The following RMC1 variants were observed in gnomAD, a reference collection of about 807,000 sequenced individuals.
RMC1 encodes regulator of MON1-CCZ1.
In RMC1, 44 loss-of-function variants were observed where a neutral mutation model predicts 95.5. The observed-to-expected ratio is 0.46, with a 90% CI of 0.36 to 0.59. The LOEUF is 0.59. RMC1 is among the 20% of genes least tolerant of loss of function. The pLI is 0.00. For synonymous variants in RMC1, 320 were observed against 303.6 expected (o/e 1.05, Z -0.56); for missense variants, 705 against 819.6 (o/e 0.86, Z 1.71).
Position 23,520,300 on chromosome 18 carries a change from G to T in RMC1, c.948G>T (p.Gln316His). The change falls in exon 10 of 20, where the codon CAG becomes CAT. Residue 316 changes from glutamine to histidine, a missense_variant. By Grantham distance (24) the Gln-to-His change is conservative. Coordinates refer to ENST00000269221, the MANE Select transcript of RMC1 (RefSeq NM_013326.5). Reference sequence around the variant, plus strand: ...CCGCTCGATCGATCCAGCCCTATCAGATCCCCATCACAGGTAACACGGGTT... The same window carrying T: ...CCGCTCGATCGATCCAGCCCTATCATATCCCCATCACAGGTAACACGGGTT... ...VLPARSIQPY[Q>H]IPITGPAAVT... The T allele has an allele frequency of 6.2e-7, 1 of 1,613,692 alleles. No homozygotes were observed.
In RMC1 at chr18:23,529,986, A is replaced by G; in HGVS notation, c.1495-42A>G. ...GGAGCCTCTAGTCTGTTGTAGCTGA[A>G]TGATTTGGAAGTGTTCTTTCACTTT... On this transcript the variant is annotated intron_variant, in intron 16 of 19. Transcript: ENST00000269221. 3.3e-6 allele frequency: 5 copies of G among 1,534,110 alleles called. No individual in the cohort carries two copies. The South Asian group carries it at 5.6e-5, about 17-fold the overall frequency.
intron 10 of RMC1, 21 bp downstream of exon 10, chr18:23,520,334 G>A (rs1387787822): frequency 6.3e-7 from 1 of 1,576,428 alleles, no homozygotes; most frequent in African/African-American, 1.4e-5. Flanking sequence ...TTCTGTAGAG[G>A]AGTCTGTGCT....
chr18:23,530,256 T>G lies in RMC1; in HGVS notation c.1627T>G (p.Phe543Val), dbSNP rs756666235. Residue 543 changes from phenylalanine (F) to valine (V), a missense_variant, in exon 18 of 20, where the codon TTC becomes GTC. Phe to Val is a conservative substitution (Grantham distance 50). Transcript: ENST00000269221. ...LACLLLSLES[F>V]YPPAHQLSLD... is the part of the protein sequence containing the mutation. ...TTGTCTGCTGTTATCCCTAGAGAGT[T>G]TCTATCCTCCTGCTCATCAGCTATC... is the stretch of plus-strand genomic sequence containing the variant. 6.2e-7 allele frequency: 1 copy of G among 1,614,240 alleles called. No individual in the cohort carries two copies. The highest frequency in any genetic ancestry group is 8.5e-7 in the Non-Finnish European group (1 of 1,180,044).
At chr18:23,526,463 T>TGCTCCTGAATG (rs1188109875) in intron 12 of RMC1, among the ~76,000 whole-genome samples, 174 bp from the exon 13 acceptor site, 4 of 152,078 alleles carry the variant, frequency 2.6e-5, no homozygotes, top group Non-Finnish European at 4.4e-5. Flanking sequence ...GCTCCTGAAT[T>TGCTCCTGAATG]GCTCCTGAAT....
Position 23,515,971 on chromosome 18 carries a change from A to G in RMC1, c.524A>G (p.Asn175Ser). Residue 175 changes from asparagine to serine, a missense_variant, in exon 6 of 20, where the codon AAT (asparagine) becomes AGT (serine). Physicochemically the swap from Asn to Ser is conservative, Grantham distance 46. Transcript: ENST00000269221. ...TTGCTGTCTACCACGGTCCTGGAGA[A>G]TGTCCTGCAGCCTTTTCACTTTAGG... Reference protein sequence around the residue: ...VILLSTTVLENVLQPFHFRAG... With the variant: ...VILLSTTVLESVLQPFHFRAG... 1 of 1,614,112 alleles carries G rather than the reference A, an allele frequency of 6.2e-7. No individual in the cohort carries two copies. The highest frequency in any genetic ancestry group is 8.5e-7 in the Non-Finnish European group (1 of 1,180,010).
rs2058004268 is a variant in RMC1 at position 23,516,353 on chromosome 18, A to G, written c.583A>G (p.Ile195Val). Residue 195 changes from isoleucine to valine, a missense_variant, in exon 7 of 20, where the codon ATT becomes GTT. Ile to Val is a conservative substitution (Grantham distance 29). Transcript: ENST00000269221. Reference sequence around the variant, plus strand: ...TATGTCGAAGCTGCCCAAATTTGAGATTGAATTACCAGCTGCGCCTAAGTC... The same window carrying G: ...TATGTCGAAGCTGCCCAAATTTGAGGTTGAATTACCAGCTGCGCCTAAGTC... ...GTMSKLPKFEIELPAAPKSTK... is the reference protein window; with the variant it reads ...GTMSKLPKFEVELPAAPKSTK... 1 of 1,614,204 alleles carries G rather than the reference A, an allele frequency of 6.2e-7. No individual in the cohort carries two copies. The highest frequency in any genetic ancestry group is 8.5e-7 in the Non-Finnish European group (1 of 1,180,048).
intron 2 of RMC1, among the ~76,000 whole-genome samples, chr18:23,505,896 G>A (rs151190336): frequency 1.3e-3 from 202 of 152,274 alleles, no homozygotes; most frequent in South Asian, 4.4e-3. Flanking sequence ...ACTGGGCGCG[G>A]TGGCTCATGC....
Position 23,528,201 on chromosome 18 carries a change from A to C in RMC1, c.1296+300A>C, listed in dbSNP as rs1349012071. The C allele has an allele frequency of 1.7e-5, 4 of 232,374 alleles. No homozygotes were observed. In the Admixed American group the frequency reaches 2.0e-4, roughly 12 times the overall value. 14.4% of individuals were successfully genotyped at this position (232,374 alleles called of 1,614,324 possible). A position where few individuals can be genotyped will look rare whatever the true frequency, so the allele number is the denominator to read the frequency against. On this transcript the variant is annotated intron_variant, in intron 14 of 19. Coordinates refer to ENST00000269221, the MANE Select transcript of RMC1 (RefSeq NM_013326.5). The stretch of plus-strand genomic sequence containing the variant: ...TCTACTGTTATAGATGAGAAAAATC[A>C]GTCTCTGCTTTGCAATATTTTGTAT...
chr18:23,516,523 A>G lies in RMC1; in HGVS notation c.653+100A>G, dbSNP rs2058009801. ...AGCACCACGTGATGCCCTGACCCCT[A>G]GAACACATAAGGAGGACTCCCCTTG... is the stretch of plus-strand genomic sequence containing the variant. On this transcript the variant is annotated intron_variant, in intron 7 of 19. Transcript: ENST00000269221. The G allele has an allele frequency of 2.5e-6, 3 of 1,189,916 alleles. No homozygotes were observed. The South Asian group carries it at 3.8e-5, about 15-fold the overall frequency. 73.7% of individuals were successfully genotyped at this position (1,189,916 alleles called of 1,614,324 possible). A position where few individuals can be genotyped will look rare whatever the true frequency, so the allele number is the denominator to read the frequency against.
Position 23,516,314 on chromosome 18 carries a change from A to C in RMC1, c.550-6A>C. On this transcript the variant is annotated splice_region_variant and splice_polypyrimidine_tract_variant and intron_variant, in intron 6 of 19. Coordinates refer to ENST00000269221, the MANE Select transcript of RMC1 (RefSeq NM_013326.5). Reference sequence around the variant, plus strand: ...GCTTTTCCTAAAACATTTTCCCCCTAAACAGGCTGGCACTATGTCGAAGCT... The same window carrying C: ...GCTTTTCCTAAAACATTTTCCCCCTCAACAGGCTGGCACTATGTCGAAGCT... 1.2e-6 allele frequency: 2 copies of C among 1,614,110 alleles called. No homozygotes were observed. The highest frequency in any genetic ancestry group is 1.7e-6 in the Non-Finnish European group (2 of 1,179,906).
At chr18:23,509,395 A>T in intron 5 of RMC1, 116 bp downstream of exon 5, 1 of 347,968 alleles carries the variant, frequency 2.9e-6, no homozygotes. Flanking sequence ...CTAGAGATGG[A>T]GTCTTGCTCT....
chr18:23,514,778 GA>G (rs2057955799), intron 5 of RMC1, among the ~76,000 whole-genome samples: 1 of 152,002 alleles, frequency 6.6e-6, no homozygotes, highest in Admixed American at 6.6e-5. Context: ...AGATCTTCAA[GA>G]AAAAAGTTAA....
chr18:23,526,259 A>G (rs1254673334), intron 12 of RMC1, among the ~76,000 whole-genome samples: 1 of 152,228 alleles, frequency 6.6e-6, no homozygotes, highest in Non-Finnish European at 1.5e-5. Flanking sequence ...AAAGCACAGG[A>G]CTGAAGTTGA....
chr18:23,511,783 A>AT (rs2057865357), intron 5 of RMC1, among the ~76,000 whole-genome samples: 1 of 151,682 alleles, frequency 6.6e-6, no homozygotes, highest in African/African-American at 2.4e-5. Flanking sequence ...CTGGTTTTCC[A>AT]TTTTTTTGTG....
At chr18:23,514,794 A>G (rs2057956395) in intron 5 of RMC1, among the ~76,000 whole-genome samples, 1 of 152,142 alleles carries the variant, frequency 6.6e-6, no homozygotes. Flanking sequence ...AGTTAAAAAG[A>G]AAGAAGACTC....
intron 11 of RMC1, 62 bp downstream of exon 11, chr18:23,524,236 G>T: frequency 6.3e-7 from 1 of 1,584,582 alleles, no homozygotes. Context: ...TCAGAGAGTG[G>T]TCCTGAAGTC....
intron 10 of RMC1, among the ~76,000 whole-genome samples, chr18:23,521,517 T>G (rs1598885839): frequency 6.6e-6 from 1 of 152,322 alleles, no homozygotes; most frequent in East Asian, 1.9e-4. Context: ...CTGTGGCTCT[T>G]AGGCTTACCC....
At chr18:23,520,521 G>A (rs1312719828) in intron 10 of RMC1, among the ~76,000 whole-genome samples, 1 of 152,148 alleles carries the variant, frequency 6.6e-6, no homozygotes, top group African/African-American at 2.4e-5. Flanking sequence ...AGGTAGTGTC[G>A]TGATCTTGGC....
At chr18:23,527,419 A>C (rs947813749) in intron 13 of RMC1, among the ~76,000 whole-genome samples, 1 of 151,192 alleles carries the variant, frequency 6.6e-6, no homozygotes, top group Admixed American at 6.6e-5. Flanking sequence ...AATAATAATA[A>C]TCCCCTACCA....
Sources: allele counts gnomAD v4.1 joint callset (sites outside exome capture counted in the v4.1 genomes callset), GRCh38; gene constraint gnomAD v4.1.1; transcripts MANE v1.5; gene names NCBI Gene and HGNC (gene_info 2026-07-23, HGNC 2026-07-21).